The following LARP4B variants were observed in gnomAD, a reference collection of about 807,000 sequenced individuals.
The protein encoded by LARP4B is la-related protein 4B.
Under a neutral mutation model 89.8 loss-of-function variants are expected in LARP4B, and 12 were observed. The observed-to-expected ratio is 0.13, with a 90% CI of 0.09 to 0.22. The LOEUF is 0.22. LARP4B is among the 10% of genes least tolerant of loss of function. The probability of loss-of-function intolerance (pLI) is 1.00; values close to 1 mark genes in which losing one functional copy is unlikely to be tolerated. For missense variants in LARP4B, 757 were observed against 947.7 expected (o/e 0.80, Z 2.64); for synonymous variants, 367 against 363.3 (o/e 1.01, Z -0.12).
upstream of LARP4B, among the ~76,000 whole-genome samples, chr10:932,771 C>T (rs1159717649): frequency 6.8e-6 from 1 of 148,102 alleles, no homozygotes; most frequent in Non-Finnish European, 1.5e-5. Flanking sequence ...CCCGAAGTCC[C>T]AACCCCACAC....
At chr10:860,949 G>A (rs558441822) in intron 5 of LARP4B, among the ~76,000 whole-genome samples, 3 of 152,196 alleles carry the variant, frequency 2.0e-5, no homozygotes, top group Non-Finnish European at 4.4e-5. Flanking sequence ...GAGGTCGGGA[G>A]ATCAAGACCA....
the LARP4B span, among the ~76,000 whole-genome samples, chr10:941,196 T>C: frequency 6.6e-6 from 1 of 152,218 alleles, no homozygotes; most frequent in Non-Finnish European, 1.5e-5. Flanking sequence ...CTCAGCCTGC[T>C]CTTCCTCCTC....
intron 1 of LARP4B, among the ~76,000 whole-genome samples, chr10:918,049 A>G (rs950905637): frequency 6.6e-6 from 1 of 152,228 alleles, no homozygotes; most frequent in Non-Finnish European, 1.5e-5. Context: ...CCAATGTAAT[A>G]GGATTTTTAC....
chr10:907,222 G>C (rs576727919), intron 1 of LARP4B, among the ~76,000 whole-genome samples: 74 of 152,290 alleles, frequency 4.9e-4, no homozygotes, highest in South Asian at 1.0e-3. Flanking sequence ...ACCTAAACGA[G>C]TAAAATCTCA....
At chr10:827,110 C>G (rs1832669660) in intron 11 of LARP4B, among the ~76,000 whole-genome samples, 2 of 152,200 alleles carry the variant, frequency 1.3e-5, no homozygotes, top group South Asian at 4.2e-4. Context: ...CCCGTCTCTA[C>G]TAAAAATACA....
chr10:970,940 A>G, the LARP4B span, among the ~76,000 whole-genome samples: 11 of 152,180 alleles, frequency 7.2e-5, no homozygotes, highest in African/African-American at 2.7e-4. Flanking sequence ...CCTTGGCTCC[A>G]CTGCCCTGAG....
At chr10:954,411 G>A in the LARP4B span, among the ~76,000 whole-genome samples, 1 of 152,178 alleles carries the variant, frequency 6.6e-6, no homozygotes, top group South Asian at 2.1e-4. The surrounding 1 kb of genome is among the most constrained non-coding windows in gnomAD (Gnocchi z 5.0). Flanking sequence ...GTGTGATAAG[G>A]ACATCTGCGG....
chr10:943,855 G>A, the LARP4B span, among the ~76,000 whole-genome samples: 16 of 151,922 alleles, frequency 1.1e-4, no homozygotes, highest in African/African-American at 3.6e-4. Flanking sequence ...TGGTGTCCAC[G>A]TAAGCTCCAC....
chr10:884,355 A>G lies in LARP4B; in HGVS notation c.141+92T>C, dbSNP rs1231296010. 2.7e-5 allele frequency: 25 copies of G among 934,898 alleles called. 1 individual carries two copies. The East Asian group carries it at 6.1e-4, about 23-fold the overall frequency. The allele number at this position is 934,898 out of a possible 1,614,324, so 57.9% of individuals were successfully genotyped here. A position where few individuals can be genotyped will look rare whatever the true frequency, so the allele number is the denominator to read the frequency against. ...TTTTGAGAAATATCTACATTTTCTA[A>G]TTTTTGTTACAATAAACATTTTTCT... is the stretch of plus-strand genomic sequence containing the variant. On this transcript the variant is annotated intron_variant, in intron 3 of 17. Transcript: ENST00000316157.
At chr10:854,459 G>C (rs192161189) in intron 5 of LARP4B, among the ~76,000 whole-genome samples, 1 of 152,142 alleles carries the variant, frequency 6.6e-6, no homozygotes, top group African/African-American at 2.4e-5. Context: ...ATAGGCTACC[G>C]AATGGATGTT....
chr10:838,662 G>A (rs1249796804), intron 7 of LARP4B, among the ~76,000 whole-genome samples: 2 of 152,162 alleles, frequency 1.3e-5, no homozygotes, highest in Non-Finnish European at 2.9e-5. Flanking sequence ...CACTGCCGAT[G>A]GGAATGCAAA....
chr10:941,992 A>G, the LARP4B span, among the ~76,000 whole-genome samples: 2 of 152,202 alleles, frequency 1.3e-5, no homozygotes, highest in African/African-American at 4.8e-5. Flanking sequence ...CTATACCTAG[A>G]GAAGTATACA....
At chr10:939,218 TGAA>T in the LARP4B span, among the ~76,000 whole-genome samples, 1 of 152,078 alleles carries the variant, frequency 6.6e-6, no homozygotes, top group African/African-American at 2.4e-5. Context: ...TGGAGTTGAA[TGAA>T]GGAGTCCCGC....
chr10:935,745 G>A (rs34270668), upstream of LARP4B, among the ~76,000 whole-genome samples: 17,108 of 85,272 alleles, frequency 0.2, 1,408 homozygotes, highest in Non-Finnish European at 0.26. Flanking sequence ...TTTTTTTTGA[G>A]TCTCCCTCTG....
At position 829,538 on chromosome 10, in the gene LARP4B, A is replaced by C; in HGVS notation, c.972T>G (p.Phe324Leu). Residue 324 changes from phenylalanine (F) to leucine (L), a missense_variant, in exon 11 of 18, where the codon TTT becomes TTG. Transcript: ENST00000316157. ...CATACAGGCTCACGTCCAGGGGTCT[A>C]AATCCATTCTTTGGCAAAAATGTGT... The part of the protein sequence containing the change: ...AINTFLPKNG[F>L]RPLDVSLYAQ... 6.2e-7 allele frequency: 1 copy of C among 1,614,172 alleles called. No homozygotes were observed.
intron 7 of LARP4B, among the ~76,000 whole-genome samples, chr10:842,207 T>G (rs1053860338): frequency 2.6e-5 from 4 of 152,036 alleles, no homozygotes; most frequent in African/African-American, 7.2e-5. Context: ...TAATTTTTTT[T>G]TTTTTTTATG....
the LARP4B span, chr10:987,505 T>A: frequency 6.6e-6 from 1 of 152,278 alleles, no homozygotes; most frequent in Non-Finnish European, 1.5e-5. Context: ...GCTTGTCAGC[T>A]GCACAACCAC....
chr10:946,239 G>T, the LARP4B span, among the ~76,000 whole-genome samples: 34,245 of 152,100 alleles, frequency 0.23, 4,422 homozygotes, highest in African/African-American at 0.36. Context: ...AAATCCACTA[G>T]CAAACATAAA....
chr10:938,488 T>C, the LARP4B span, among the ~76,000 whole-genome samples: 3 of 150,306 alleles, frequency 2.0e-5, no homozygotes, highest in African/African-American at 7.4e-5. Flanking sequence ...CTCCTGCTCT[T>C]GTGATCCGCC....
Sources: gnomAD v4.1 joint callset for allele counts (sites outside exome capture counted in the v4.1 genomes callset) on GRCh38, gnomAD v4.1.1 for gene constraint, Gnocchi (gnomAD v3.1) non-coding constraint, MANE v1.5 for transcripts, NCBI Gene and HGNC (gene_info 2026-07-23, HGNC 2026-07-21) for gene names.